SLTM: variants seen among roughly 807,000 people sequenced by gnomAD.
SLTM encodes the protein SAFB-like transcription modulator.
A neutral mutation model predicts 134.6 loss-of-function variants in SLTM; 43 were observed. The observed-to-expected ratio is 0.32, with a 90% CI of 0.25 to 0.41. The LOEUF is 0.41. Among genes scored for constraint, SLTM ranks in the 10% least tolerant of loss-of-function variants. The pLI is 1.00. For synonymous variants in SLTM, 424 were observed against 432.3 expected, an observed-to-expected ratio of 0.98 and a Z score of 0.24; for missense variants, 1,055 against 1,288.8, an observed-to-expected ratio of 0.82 and a Z score of 2.78.
chr15:58,933,339 G>A, intron 1 of SLTM, 65 bp downstream of exon 1: 1 of 1,482,010 alleles, frequency 6.7e-7, no homozygotes, highest in Non-Finnish European at 9.0e-7. Flanking sequence ...TGCGGCGGAA[G>A]CGGGGCGCCG....
At chr15:58,924,890 G>C (rs1381608128) in intron 2 of SLTM, among the ~76,000 whole-genome samples, 1 of 151,904 alleles carries the variant, frequency 6.6e-6, no homozygotes, top group Admixed American at 6.6e-5. Context: ...GGCAGTCATG[G>C]TTCACTGCAG....
chr15:58,888,487 C>G lies in SLTM; in HGVS notation c.2273G>C (p.Gly758Ala), dbSNP rs756031515. The G allele has an allele frequency of 2.5e-6, 4 of 1,613,972 alleles. No individual in the cohort carries two copies. Among genetic ancestry groups the G allele is most frequent in the Non-Finnish European group, 3.4e-6 (4 of 1,179,988 alleles). The stretch of plus-strand genomic sequence containing the variant: ...GTTCTGTTGGCGAGAGTAGTCGGAT[C>G]CATGGCCAAATCGTGCATCTGTATC... ...SLDTDARFGHGSDYSRQQNRF... is the reference protein window; with the variant it reads ...SLDTDARFGHASDYSRQQNRF... Residue 758 changes from glycine (G) to alanine (A), a missense_variant, in exon 17 of 21, where the codon GGA (glycine) becomes GCA (alanine). Gly to Ala is a moderately conservative substitution (Grantham distance 60). Around this residue, in one of 3 missense-constraint regions of SLTM, gnomAD observed 776 missense variants for 962.2 expected, o/e 0.81. Transcript: ENST00000380516.
Position 58,888,573 on chromosome 15 carries a change from G to C in SLTM, c.2205-18C>G, listed in dbSNP as rs1485095812. 1 of 1,611,198 alleles carries C rather than the reference G, an allele frequency of 6.2e-7. No homozygotes were observed. On this transcript the variant is annotated intron_variant, in intron 16 of 20. Transcript: ENST00000380516. ...CATCTCGCCTTGAAGAGAAATATTT[G>C]CTTATTTACATAAATTAGTTCTACA...
intron 2 of SLTM, among the ~76,000 whole-genome samples, chr15:58,924,862 C>A (rs2037348809): frequency 6.6e-6 from 1 of 152,166 alleles, no homozygotes; most frequent in South Asian, 2.1e-4. Flanking sequence ...TGCTCTATCG[C>A]CCAGGGTGGA....
rs756109902 is a variant in SLTM at position 58,899,335 on chromosome 15, G to A, written c.1058+134C>T. On this transcript the variant is annotated intron_variant, in intron 7 of 20. Transcript: ENST00000380516. This position sits in a 1 kb window ranked among gnomAD's most constrained non-coding sequence, Gnocchi z 5.0. ...AAAATTTTTAAAAGTAACTTATGACGGTCAAAAATATTATAGGCAGGATCA... is the reference window on the plus strand; with the variant it reads ...AAAATTTTTAAAAGTAACTTATGACAGTCAAAAATATTATAGGCAGGATCA... 4.0e-5 allele frequency: 29 copies of A among 717,288 alleles called. No individual in the cohort carries two copies. The highest frequency in any genetic ancestry group is 1.1e-4 in the African/African-American group (6 of 56,482). The allele number at this position is 717,288 out of a possible 1,614,324, so 44.4% of individuals were successfully genotyped here.
chr15:58,931,819 C>G (rs2037900720), intron 2 of SLTM, among the ~76,000 whole-genome samples: 1 of 152,142 alleles, frequency 6.6e-6, no homozygotes, highest in South Asian at 2.1e-4. Flanking sequence ...GCTAATTAAT[C>G]ATGGATTTTT....
intron 5 of SLTM, among the ~76,000 whole-genome samples, chr15:58,909,098 C>A (rs1334087855): frequency 6.6e-6 from 1 of 152,096 alleles, no homozygotes; most frequent in Non-Finnish European, 1.5e-5. Context: ...TCTTGAAATA[C>A]CATTTACCAC....
At chr15:58,915,494 G>T (rs1176565873) in intron 3 of SLTM, among the ~76,000 whole-genome samples, 4 of 152,088 alleles carry the variant, frequency 2.6e-5, no homozygotes, top group African/African-American at 9.7e-5. Context: ...ACACTTACTG[G>T]TGAAGACAAC....
intron 1 of SLTM, 145 bp downstream of exon 1, chr15:58,933,259 C>T (rs2038017681): frequency 3.7e-6 from 3 of 809,444 alleles, no homozygotes; most frequent in African/African-American, 1.8e-5. Context: ...CCTCCACGCT[C>T]GCGGGAGCCG....
In SLTM at chr15:58,894,703, A is replaced by C. The variant is rs573529159; in HGVS notation, c.1228-121T>G. 5.7e-5 allele frequency: 39 copies of C among 678,774 alleles called. No homozygotes were observed. The African/African-American group carries it at 6.1e-4, about 11-fold the overall frequency. 42.0% of individuals were successfully genotyped at this position (678,774 alleles called of 1,614,324 possible). A position where few individuals can be genotyped will look rare whatever the true frequency, so the allele number is the denominator to read the frequency against. On this transcript the variant is annotated intron_variant, in intron 9 of 20. Transcript: ENST00000380516. ...TTCAGGGTGTATCTTATTCTGTCTCATGTTTTTTTTTTTTTTTTTGAGATG... is the reference window on the plus strand; with the variant it reads ...TTCAGGGTGTATCTTATTCTGTCTCCTGTTTTTTTTTTTTTTTTTGAGATG...
chr15:58,914,281 A>G (rs2036480251), intron 3 of SLTM, among the ~76,000 whole-genome samples: 3 of 152,246 alleles, frequency 2.0e-5, no homozygotes, highest in African/African-American at 7.2e-5. Context: ...AGTGAAAACA[A>G]AATCAGCAAT....
In SLTM at chr15:58,893,371, G is replaced by GA; in HGVS notation, c.1649-8dup. The GA allele has an allele frequency of 1.3e-6, 2 of 1,572,154 alleles. No individual in the cohort carries two copies. Among genetic ancestry groups the GA allele is most frequent in the Non-Finnish European group, 1.7e-6 (2 of 1,161,624 alleles). On this transcript the variant is annotated splice_polypyrimidine_tract_variant and splice_region_variant and intron_variant, in intron 12 of 20. Coordinates refer to ENST00000380516, the MANE Select transcript of SLTM (RefSeq NM_024755.4). ...TGTCCTGGACTCTTGGAACCTAAGG[G>GA]AAAAAAATTATATAAAACAATGTCT...
chr15:58,900,926 CAT>C (rs1469176492), intron 6 of SLTM: 9 of 239,784 alleles, frequency 3.8e-5, no homozygotes, highest in South Asian at 1.0e-4. Flanking sequence ...AATAAGCACA[CAT>C]GAGTTACTGC....
rs770961864 is a variant in SLTM, at chr15:58,933,604, T to C, written c.-39A>G. 2.6e-6 allele frequency: 4 copies of C among 1,523,130 alleles called. No individual in the cohort carries two copies. 94.4% of individuals were successfully genotyped at this position (1,523,130 alleles called of 1,614,324 possible). A position where few individuals can be genotyped will look rare whatever the true frequency, so the allele number is the denominator to read the frequency against. On this transcript the variant is annotated 5_prime_UTR_variant, in exon 1 of 21. Coordinates refer to ENST00000380516, the MANE Select transcript of SLTM (RefSeq NM_024755.4). ...CGCGCTGCCGAGGCAGCGAGTGGGC[T>C]GCAGGGCGGCGGCAGCAGCGCCAAC...
At chr15:58,906,881 AC>A (rs1361961709) in intron 5 of SLTM, among the ~76,000 whole-genome samples, 6 of 152,236 alleles carry the variant, frequency 3.9e-5, no homozygotes, top group African/African-American at 1.4e-4. Flanking sequence ...TATGTTAAGT[AC>A]GATAGAACTC....
rs1467063797 is a variant in SLTM at position 58,893,877 on chromosome 15, C to G, written c.1592G>C (p.Gly531Ala). Residue 531 changes from glycine (G) to alanine (A), a missense_variant, in exon 12 of 21, where the codon GGA becomes GCA. Gly to Ala is a moderately conservative substitution (Grantham distance 60). This residue lies in a region of SLTM where 776 missense variants were observed against 962.2 expected (regional missense o/e 0.81). Coordinates refer to ENST00000380516, the MANE Select transcript of SLTM (RefSeq NM_024755.4). Reference sequence around the variant, plus strand: ...CGATTCTGATGTTTGGCCACTTGCTCCATTATCATTCTTCTCATCTTTACC... The same window carrying G: ...CGATTCTGATGTTTGGCCACTTGCTGCATTATCATTCTTCTCATCTTTACC... ...IEGKDEKNDNGASGQTSESIK... is the reference protein window; with the variant it reads ...IEGKDEKNDNAASGQTSESIK... The G allele has an allele frequency of 1.9e-6, 3 of 1,613,156 alleles. No individual in the cohort carries two copies. The African/African-American group carries it at 4.0e-5, about 22-fold the overall frequency.
chr15:58,896,313 C>T (rs1331416447), intron 9 of SLTM, among the ~76,000 whole-genome samples: 2 of 152,122 alleles, frequency 1.3e-5, no homozygotes, highest in African/African-American at 4.8e-5. Flanking sequence ...AACCCCAGCA[C>T]TTTGGGAGGC....
intron 5 of SLTM, among the ~76,000 whole-genome samples, chr15:58,901,729 G>A (rs2035501822): frequency 6.6e-6 from 1 of 152,208 alleles, no homozygotes; most frequent in African/African-American, 2.4e-5. Flanking sequence ...TGAATACACA[G>A]TAATAAACCA....
intron 8 of SLTM, 175 bp downstream of exon 8, chr15:58,898,628 T>C (rs1469443372): frequency 3.6e-6 from 2 of 551,486 alleles, no homozygotes; most frequent in Non-Finnish European, 6.4e-6. Context: ...AACACATCAA[T>C]CAGTTTTCTG....
Sources: gnomAD v4.1 joint callset for allele counts (sites outside exome capture counted in the v4.1 genomes callset) on GRCh38, gnomAD v4.1.1 for gene constraint, gnomAD v4.1.1 regional missense constraint, Gnocchi (gnomAD v3.1) non-coding constraint, MANE v1.5 for transcripts, NCBI Gene and HGNC (gene_info 2026-07-23, HGNC 2026-07-21) for gene names.